Variants in MACROD2 observed in about 807,000 individuals in gnomAD.
MACROD2 encodes the protein ADP-ribose glycohydrolase MACROD2.
MACROD2 carries 36 observed loss-of-function variants against 70.4 expected under a neutral mutation model. The observed-to-expected ratio is 0.51, with a 90% CI of 0.39 to 0.68. The LOEUF is 0.68. MACROD2 is among the 30% of genes least tolerant of loss of function. The pLI, the probability that MACROD2 is intolerant of heterozygous loss-of-function variation, is 0.00. For missense variants in MACROD2, 496 were observed against 538.4 expected, an observed-to-expected ratio of 0.92 and a Z score of 0.78; for synonymous variants, 172 against 178.8, an observed-to-expected ratio of 0.96 and a Z score of 0.30.
intron 3 of MACROD2, among the ~76,000 whole-genome samples, chr20:14,435,968 A>G (rs1233302568): frequency 1.3e-5 from 2 of 152,118 alleles, no homozygotes; most frequent in Non-Finnish European, 2.9e-5. Context: ...CAGCCTCCCA[A>G]AGTGTTGGGA....
intron 3 of MACROD2, among the ~76,000 whole-genome samples, chr20:14,142,511 TG>T (rs1025585418): frequency 1.3e-5 from 2 of 152,224 alleles, no homozygotes; most frequent in African/African-American, 4.8e-5. Flanking sequence ...CTAGCATGTC[TG>T]GCTTGTTAGC....
intron 3 of MACROD2, among the ~76,000 whole-genome samples, chr20:14,134,795 C>A (rs1256260042): frequency 1.1e-4 from 10 of 87,316 alleles, no homozygotes; most frequent in African/African-American, 4.4e-4. Flanking sequence ...CAGTGAGACT[C>A]CGTGTCAAAA....
chr20:14,071,364 C>A (rs138567842), intron 2 of MACROD2, among the ~76,000 whole-genome samples: 2 of 145,786 alleles, frequency 1.4e-5, no homozygotes, highest in African/African-American at 5.0e-5. Flanking sequence ...GGGTGCATGC[C>A]GTTCTCCTGC....
At chr20:14,022,242 TTAAACTATTA>T (rs2053093395) in intron 2 of MACROD2, among the ~76,000 whole-genome samples, 1 of 152,166 alleles carries the variant, frequency 6.6e-6, no homozygotes, top group South Asian at 2.1e-4. Context: ...GCATTGCCAA[TTAAACTATTA>T]CACAGTGCTT....
rs370865869 is a variant in MACROD2 at position 15,279,441 on chromosome 20, A to G, written c.540+49380A>G. On this transcript the variant is annotated intron_variant, in intron 6 of 17. Transcript: ENST00000684519. ...AGTTAGGGCTGCAGCTTGATTTCAA[A>G]GAATGCAGATCTAAGGTCCAAGGTG... is the stretch of plus-strand genomic sequence containing the variant. 8.5e-5 allele frequency among the ~76,000 whole-genome samples: 13 copies of G among 152,350 alleles called. No individual in the cohort carries two copies. The East Asian group carries it at 1.5e-3, about 18-fold the overall frequency.
chr20:15,396,649 A>G (rs771690359), intron 6 of MACROD2, among the ~76,000 whole-genome samples: 1 of 152,076 alleles, frequency 6.6e-6, no homozygotes, highest in Non-Finnish European at 1.5e-5. Flanking sequence ...TGAGTTTTTT[A>G]TTTTATTTTA....
At chr20:15,302,935 A>G (rs73265015) in intron 6 of MACROD2, among the ~76,000 whole-genome samples, 135 of 152,288 alleles carry the variant, frequency 8.9e-4, no homozygotes, top group African/African-American at 3.2e-3. Context: ...TATTCAAGTT[A>G]CTTAACCTCC....
intron 5 of MACROD2, among the ~76,000 whole-genome samples, chr20:14,698,626 C>T (rs1336647981): frequency 6.6e-6 from 1 of 150,900 alleles, no homozygotes; most frequent in African/African-American, 2.4e-5. Context: ...TTTTTCTTTT[C>T]CACTAGAATA....
chr20:14,214,598 T>C (rs2081599169), intron 3 of MACROD2, among the ~76,000 whole-genome samples: 1 of 144,754 alleles, frequency 6.9e-6, no homozygotes, highest in Non-Finnish European at 1.5e-5. Context: ...TTTTTTTTTT[T>C]TTTTAAGGTT....
chr20:15,930,987 T>G (rs1479208897), intron 10 of MACROD2, among the ~76,000 whole-genome samples: 1 of 152,212 alleles, frequency 6.6e-6, no homozygotes, highest in Non-Finnish European at 1.5e-5. Context: ...GTAACCAGAG[T>G]ACTTTCAAAG....
chr20:15,378,034 C>G (rs1034507945), intron 6 of MACROD2, among the ~76,000 whole-genome samples: 13 of 151,808 alleles, frequency 8.6e-5, no homozygotes, highest in Non-Finnish European at 1.5e-4. Context: ...GGAGAAACAT[C>G]TAATTAGATG....
At chr20:15,148,422 C>G (rs953771897) in intron 5 of MACROD2, among the ~76,000 whole-genome samples, 2 of 152,058 alleles carry the variant, frequency 1.3e-5, no homozygotes, top group African/African-American at 2.4e-5. Flanking sequence ...GGAGGTTCAG[C>G]ATAGCCTTGC....
chr20:15,186,432 AGT>A (rs1483576429), intron 5 of MACROD2, among the ~76,000 whole-genome samples: 3 of 152,134 alleles, frequency 2.0e-5, no homozygotes, highest in Non-Finnish European at 4.4e-5. Flanking sequence ...TTAAAATATC[AGT>A]GTGTGTGGGT....
chr20:15,549,005 A>G (rs567550793), intron 8 of MACROD2, among the ~76,000 whole-genome samples: 18 of 152,324 alleles, frequency 1.2e-4, no homozygotes, highest in African/African-American at 4.3e-4. Flanking sequence ...TTCTTACTTC[A>G]TCCTCATGAG....
intron 5 of MACROD2, among the ~76,000 whole-genome samples, chr20:15,200,289 T>C (rs556185983): frequency 6.6e-5 from 10 of 152,242 alleles, no homozygotes; most frequent in Non-Finnish European, 1.3e-4. Context: ...TTGATGACTA[T>C]ATATTCAGTC....
chr20:14,350,192 G>A (rs1165799238), intron 3 of MACROD2, among the ~76,000 whole-genome samples: 2 of 152,138 alleles, frequency 1.3e-5, no homozygotes, highest in African/African-American at 4.8e-5. Context: ...ACAAACATGA[G>A]CGTGCAAATA....
chr20:15,922,319 A>G (rs78681485), intron 10 of MACROD2, among the ~76,000 whole-genome samples: 2 of 152,206 alleles, frequency 1.3e-5, no homozygotes, highest in South Asian at 4.1e-4. Flanking sequence ...CCACATTTAT[A>G]AAAAAGGTGA....
chr20:15,333,443 A>C (rs1252254834), intron 6 of MACROD2, among the ~76,000 whole-genome samples: 2 of 151,630 alleles, frequency 1.3e-5, no homozygotes, highest in East Asian at 3.9e-4. Flanking sequence ...GAAATGCAGA[A>C]TTGAGAGAAA....
At chr20:15,478,779 A>C (rs1332461934) in intron 7 of MACROD2, among the ~76,000 whole-genome samples, 2 of 152,200 alleles carry the variant, frequency 1.3e-5, no homozygotes, top group Admixed American at 6.5e-5. Context: ...AAGACTGTGC[A>C]GAGAAGGAAG....
Sources: allele counts gnomAD v4.1 joint callset (sites outside exome capture counted in the v4.1 genomes callset), GRCh38; gene constraint gnomAD v4.1.1; transcripts MANE v1.5; gene names NCBI Gene and HGNC (gene_info 2026-07-23, HGNC 2026-07-21).